SS18: variants seen among roughly 807,000 people sequenced by gnomAD.
The protein encoded by SS18 is SS18 subunit of BAF chromatin remodeling complex, also known as protein SSXT.
SS18 carries 28 observed loss-of-function variants against 72.5 expected under a neutral mutation model. That is an observed-to-expected ratio of 0.39 (90% CI 0.29 to 0.53). The LOEUF (loss-of-function observed/expected upper bound fraction) is 0.53. Ranked by LOEUF, SS18 falls within the 20% of genes least tolerant of loss-of-function variation. The pLI is 0.76. For synonymous variants in SS18, 172 were observed against 164.2 expected (o/e 1.05, Z -0.37); for missense variants, 518 against 535.3 (o/e 0.97, Z 0.32).
At chr18:26,052,591 A>C in intron 5 of SS18, 33 bp downstream of exon 5, 1 of 1,530,252 alleles carries the variant, frequency 6.5e-7, no homozygotes. Flanking sequence ...CTAATAGAGC[A>C]CTCTAGTCAA....
intron 5 of SS18, among the ~76,000 whole-genome samples, chr18:26,045,569 C>T (rs1435615487): frequency 2.0e-5 from 3 of 152,156 alleles, no homozygotes; most frequent in Non-Finnish European, 4.4e-5. Context: ...TATCATCTGA[C>T]ATATTTGTAT....
intron 1 of SS18, among the ~76,000 whole-genome samples, chr18:26,088,679 G>A (rs2054659553): frequency 6.6e-6 from 1 of 152,090 alleles, no homozygotes; most frequent in Non-Finnish European, 1.5e-5. Flanking sequence ...GCCATTTTGA[G>A]CAAGTCACTT....
At chr18:26,027,760 C>G (rs2053476743) in intron 10 of SS18, among the ~76,000 whole-genome samples, 1 of 144,756 alleles carries the variant, frequency 6.9e-6, no homozygotes, top group South Asian at 2.2e-4. Flanking sequence ...AGAAAAAAAG[C>G]CATGCAAACT....
Position 26,084,858 on chromosome 18 carries a change from A to T in SS18, c.146+2643T>A, listed in dbSNP as rs147513833. ...TCCTGTACTGGACCCTGGACCAGAA[A>T]ATATGCACTAATAGGACAACTGGCA... On this transcript the variant is annotated intron_variant, in intron 2 of 10. Transcript: ENST00000415083. Among the ~76,000 whole-genome samples the T allele has an allele frequency of 4.1e-4, 63 of 152,358 alleles. No homozygotes were observed. In the East Asian group the frequency reaches 0.012, roughly 29 times the overall value.
rs775464140 is a variant in SS18, at chr18:26,038,621, C to G, written c.814G>C (p.Gly272Arg). 1 of 1,613,456 alleles carries G rather than the reference C, an allele frequency of 6.2e-7. No individual in the cohort carries two copies. Among genetic ancestry groups the G allele is most frequent in the East Asian group, 2.2e-5 (1 of 44,838 alleles). ...TGTCCACCATGACTGTATTGGTCCC[C>G]GTAATAGTCTTCCTGGCCTGAGTAC... ...QQYSGQEDYY[G>R]DQYSHGGQGP... The change falls in exon 7 of 11, where the codon GGG (glycine) becomes CGG (arginine). Residue 272 changes from glycine (G) to arginine (R), a missense_variant. By Grantham distance (125) the Gly-to-Arg change is moderately radical. Coordinates refer to ENST00000415083, the MANE Select transcript of SS18 (RefSeq NM_001007559.3).
chr18:26,028,151 G>C (rs1369874575), intron 10 of SS18, among the ~76,000 whole-genome samples: 2 of 152,092 alleles, frequency 1.3e-5, no homozygotes, highest in Non-Finnish European at 2.9e-5. Flanking sequence ...GATTTAAACA[G>C]ACACTCCTGA....
rs1485431755 is a variant in SS18 at position 26,057,601 on chromosome 18, C to T, written c.373G>A (p.Gly125Ser). 2.5e-6 allele frequency: 4 copies of T among 1,613,984 alleles called. No homozygotes were observed. The highest frequency in any genetic ancestry group is 2.7e-5 in the African/African-American group (2 of 74,886). ...GAGAAAAACTTACCAGGCATCTGGC[C>T]GTTCATCTGGTTCTGCATGTGCGGT... ...PAPHMQNQMN[G>S]QMPGPNHMPM... Residue 125 changes from glycine (G) to serine (S), a missense_variant, in exon 4 of 11, where the codon GGC (glycine) becomes AGC (serine). Transcript: ENST00000415083.
chr18:26,077,871 CCTT>C (rs2054445319), intron 3 of SS18, among the ~76,000 whole-genome samples: 1 of 152,004 alleles, frequency 6.6e-6, no homozygotes, highest in Non-Finnish European at 1.5e-5. Context: ...ACGAATATAA[CCTT>C]CTCAGGGACA....
chr18:26,089,508 T>TTG (rs2054676397), intron 1 of SS18, among the ~76,000 whole-genome samples: 1 of 152,242 alleles, frequency 6.6e-6, no homozygotes, highest in African/African-American at 2.4e-5. Flanking sequence ...AACTTGACCT[T>TTG]TTTTTCTATT....
At chr18:26,054,876 G>C (rs112953054) in intron 4 of SS18, among the ~76,000 whole-genome samples, 1,785 of 152,062 alleles carry the variant, frequency 0.012, 28 homozygotes, top group African/African-American at 0.041. Flanking sequence ...AAGTAGCTGG[G>C]ATTACAAGTG....
At position 26,082,305 on chromosome 18, in the gene SS18, G is replaced by A. The variant is rs140882313; in HGVS notation, c.147-4145C>T. 4.8e-6 allele frequency: 4 copies of A among 830,094 alleles called. No individual in the cohort carries two copies. In the African/African-American group the frequency reaches 7.4e-5, roughly 15 times the overall value. 51.4% of individuals were successfully genotyped at this position (830,094 alleles called of 1,614,324 possible). A position where few individuals can be genotyped will look rare whatever the true frequency, so the allele number is the denominator to read the frequency against. On this transcript the variant is annotated intron_variant, in intron 2 of 10. Transcript: ENST00000415083. Reference sequence around the variant, plus strand: ...ATAAAGTAAAATGGACACTCTATTTGTTGACATAATTACAAAATTAAGCTG... The same window carrying A: ...ATAAAGTAAAATGGACACTCTATTTATTGACATAATTACAAAATTAAGCTG...
Position 26,057,620 on chromosome 18 carries a change from G to A in SS18, c.354C>T (p.His118=). 1.9e-6 allele frequency: 3 copies of A among 1,614,176 alleles called. No homozygotes were observed. The highest frequency in any genetic ancestry group is 1.1e-5 in the South Asian group (1 of 91,078). ...TCTGGCCGTTCATCTGGTTCTGCATGTGCGGTGCAGGAGGACCCCCACCTA... is the reference window on the plus strand; with the variant it reads ...TCTGGCCGTTCATCTGGTTCTGCATATGCGGTGCAGGAGGACCCCCACCTA... ...GMVGGGPPAP[H]MQNQMNGQMP... The change falls in exon 4 of 11, where the codon CAC becomes CAT. Residue 118 remains histidine (H), a synonymous_variant. Transcript: ENST00000415083.
intron 2 of SS18, chr18:26,078,422 G>A (rs914831459): frequency 4.3e-5 from 12 of 281,942 alleles, no homozygotes; most frequent in South Asian, 1.5e-4. Flanking sequence ...CCAATACTAC[G>A]AGGCAGGAGC....
intron 7 of SS18, among the ~76,000 whole-genome samples, chr18:26,037,729 A>C (rs1206530226): frequency 1.3e-5 from 2 of 152,106 alleles, no homozygotes; most frequent in African/African-American, 2.4e-5. Flanking sequence ...TACATGAATA[A>C]GGCTTTTGGC....
intron 3 of SS18, chr18:26,068,260 T>C (rs1568022287): frequency 1.3e-5 from 2 of 152,188 alleles, no homozygotes; most frequent in African/African-American, 2.4e-5. Context: ...ATATAGATGC[T>C]TTCTTTTTTT....
At chr18:26,050,472 T>C (rs1236706462) in intron 5 of SS18, among the ~76,000 whole-genome samples, 2 of 152,072 alleles carry the variant, frequency 1.3e-5, no homozygotes, top group African/African-American at 4.8e-5. Context: ...AACTCTTCAA[T>C]CATCCTCTAG....
upstream of SS18, chr18:26,090,749 C>T (rs573264754): frequency 7.8e-6 from 5 of 637,250 alleles, no homozygotes; most frequent in Admixed American, 1.4e-4. Flanking sequence ...AGGGATGTCT[C>T]GCTTCTGCGC....
In SS18 at chr18:26,032,610, G is replaced by A. The variant is rs138978468; in HGVS notation, c.1097-78C>T. 8.3e-4 allele frequency: 1,216 copies of A among 1,470,572 alleles called. 5 individuals carry two copies. The African/African-American group carries it at 0.014, about 17-fold the overall frequency. 91.1% of individuals were successfully genotyped at this position (1,470,572 alleles called of 1,614,324 possible). On this transcript the variant is annotated intron_variant, in intron 9 of 10. Transcript: ENST00000415083. ...CTCAGGGAAGGATGTGAACTACAGA[G>A]ATGTTACTGTATTTTTCTATCTAAG... is the stretch of plus-strand genomic sequence containing the variant.
At chr18:26,025,554 A>G (rs1007800823) in intron 10 of SS18, among the ~76,000 whole-genome samples, 1 of 152,138 alleles carries the variant, frequency 6.6e-6, no homozygotes, top group Non-Finnish European at 1.5e-5. Flanking sequence ...GATTATGGAG[A>G]TATTGAGCGA....
Sources: gnomAD v4.1 joint callset for allele counts (sites outside exome capture counted in the v4.1 genomes callset) on GRCh38, gnomAD v4.1.1 for gene constraint, MANE v1.5 for transcripts, NCBI Gene and HGNC (gene_info 2026-07-23, HGNC 2026-07-21) for gene names.